Variants in IRF2 observed in about 807,000 individuals in gnomAD.
The protein encoded by IRF2 is interferon regulatory factor 2.
Under a neutral mutation model 40.6 loss-of-function variants are expected in IRF2, and 15 were observed. That is an observed-to-expected ratio of 0.37 (90% CI 0.25 to 0.57). The LOEUF (loss-of-function observed/expected upper bound fraction) is 0.57, where lower values mean the gene tolerates loss of function less well. Ranked by LOEUF, IRF2 falls within the 20% of genes least tolerant of loss-of-function variation. The probability of loss-of-function intolerance (pLI) is 0.77; values close to 1 mark genes in which losing one functional copy is unlikely to be tolerated. For missense variants in IRF2, 317 were observed against 455.7 expected (o/e 0.70, Z 2.77); for synonymous variants, 151 against 165.5 (o/e 0.91, Z 0.67).
chr4:184,399,187 C>T (rs1332724112), intron 6 of IRF2, 108 bp from the exon 7 acceptor site: 7 of 1,128,924 alleles, frequency 6.2e-6, no homozygotes, highest in Non-Finnish European at 8.7e-6. Flanking sequence ...AGGCTCCCAT[C>T]ACCATCTGTC....
At chr4:184,423,195 G>T (rs372731814) in intron 2 of IRF2, among the ~76,000 whole-genome samples, 6 of 152,058 alleles carry the variant, frequency 3.9e-5, no homozygotes, top group African/African-American at 1.5e-4. Context: ...GTCAGTATGT[G>T]CCAGGTGTCT....
At chr4:184,432,230 C>T (rs771476355) in intron 1 of IRF2, among the ~76,000 whole-genome samples, 3 of 152,202 alleles carry the variant, frequency 2.0e-5, no homozygotes, top group Non-Finnish European at 4.4e-5. Flanking sequence ...TACTCAGATG[C>T]GTTGGTGGTC....
chr4:184,420,959 G>C (rs1737460984), intron 2 of IRF2, among the ~76,000 whole-genome samples: 1 of 152,204 alleles, frequency 6.6e-6, no homozygotes, highest in African/African-American at 2.4e-5. Flanking sequence ...TTTTAGATTT[G>C]GAAGAGTCCC....
intron 1 of IRF2, among the ~76,000 whole-genome samples, chr4:184,442,194 C>A (rs1370866153): frequency 6.6e-6 from 1 of 152,304 alleles, no homozygotes; most frequent in Middle Eastern, 3.4e-3. Flanking sequence ...ACTTTCCCAG[C>A]GAGTGGGCAT....
intron 5 of IRF2, among the ~76,000 whole-genome samples, chr4:184,410,446 A>G (rs7665927): frequency 1 from 151,755 of 152,336 alleles, 75,592 homozygotes; most frequent in Middle Eastern, 1. Context: ...GGACCATGCT[A>G]TCCCTCCATG....
intron 5 of IRF2, among the ~76,000 whole-genome samples, chr4:184,414,845 T>C (rs544268779): frequency 6.6e-6 from 1 of 152,238 alleles, no homozygotes; most frequent in Non-Finnish European, 1.5e-5. Flanking sequence ...TATTCATACC[T>C]AGTTACCATA....
intron 6 of IRF2, among the ~76,000 whole-genome samples, chr4:184,401,400 A>T (rs1025101006): frequency 2.0e-5 from 3 of 152,236 alleles, no homozygotes; most frequent in African/African-American, 7.2e-5. Context: ...CTGTGATACA[A>T]GAGTCCAAAA....
At chr4:184,436,887 T>A (rs1377302873) in intron 1 of IRF2, among the ~76,000 whole-genome samples, 1 of 152,170 alleles carries the variant, frequency 6.6e-6, no homozygotes, top group Non-Finnish European at 1.5e-5. Context: ...CCCCATTTTA[T>A]TTTTTCATTT....
chr4:184,400,430 G>A (rs762970693), intron 6 of IRF2, among the ~76,000 whole-genome samples: 2 of 152,012 alleles, frequency 1.3e-5, no homozygotes, highest in African/African-American at 2.4e-5. Context: ...AGTATTCCAC[G>A]GTATAGGTGT....
chr4:184,467,184 C>T (rs1739356691), intron 1 of IRF2, among the ~76,000 whole-genome samples: 2 of 152,324 alleles, frequency 1.3e-5, no homozygotes, highest in Middle Eastern at 3.4e-3. Context: ...GTCCTCCAGT[C>T]TTTCAACTGG....
chr4:184,407,123 G>A (rs1736886805), intron 6 of IRF2: 1 of 1,190,352 alleles, frequency 8.4e-7, no homozygotes, highest in South Asian at 1.3e-5. Flanking sequence ...GTCCGCACCT[G>A]CAAACTTTTT....
rs1206701106 is a variant in IRF2, at chr4:184,419,574, A to G, written c.88-6T>C. ...ATCTGAAAAATCTTCTTTTCCTGAA[A>G]AAAAAAAAAAAAAAAAAGGTAAAGA... is the stretch of plus-strand genomic sequence containing the variant. On this transcript the variant is annotated splice_polypyrimidine_tract_variant and splice_region_variant and intron_variant, in intron 2 of 8. Coordinates refer to ENST00000393593, the MANE Select transcript of IRF2 (RefSeq NM_002199.4). 2.9e-6 allele frequency: 3 copies of G among 1,031,496 alleles called. No individual in the cohort carries two copies. Among genetic ancestry groups the G allele is most frequent in the Non-Finnish European group, 3.8e-6 (3 of 781,924 alleles). The allele number at this position is 1,031,496 out of a possible 1,614,324, so 63.9% of individuals were successfully genotyped here.
chr4:184,402,816 G>T (rs1736714323), intron 6 of IRF2, among the ~76,000 whole-genome samples: 2 of 152,200 alleles, frequency 1.3e-5, no homozygotes, highest in Admixed American at 1.3e-4. Context: ...ACGTGTTGGG[G>T]TGATGAAAAT....
Position 184,388,967 on chromosome 4 carries a change from C to T in IRF2, c.841G>A (p.Val281Ile), listed in dbSNP as rs753024220. The change falls in exon 9 of 9, where the codon GTC becomes ATC. Residue 281 changes from valine (V) to isoleucine (I), a missense_variant. Around this residue, in one of 2 missense-constraint regions of IRF2, gnomAD observed 262 missense variants for 334.0 expected, o/e 0.78. Coordinates refer to ENST00000393593, the MANE Select transcript of IRF2 (RefSeq NM_002199.4). The surrounding 1 kb of genome is among the most constrained non-coding windows in gnomAD (Gnocchi z 4.6). ...SYLLPGMASF[V>I]TSNKPDLQVT... Reference sequence around the variant, plus strand: ...TGGAGGTCCGGTTTGTTGGAAGTGACGAAGGACGCCATGCCGGGCAGCAGG... The same window carrying T: ...TGGAGGTCCGGTTTGTTGGAAGTGATGAAGGACGCCATGCCGGGCAGCAGG... 9.3e-6 allele frequency: 15 copies of T among 1,614,060 alleles called. No homozygotes were observed. The highest frequency in any genetic ancestry group is 3.3e-5 in the South Asian group (3 of 91,076).
chr4:184,403,735 T>G (rs1736751877), intron 6 of IRF2, among the ~76,000 whole-genome samples: 1 of 152,248 alleles, frequency 6.6e-6, no homozygotes, highest in South Asian at 2.1e-4. Flanking sequence ...TTAGCCCCTC[T>G]CAGGATAAAA....
At chr4:184,446,545 G>C (rs1453174066) in intron 1 of IRF2, among the ~76,000 whole-genome samples, 1 of 152,204 alleles carries the variant, frequency 6.6e-6, no homozygotes, top group Non-Finnish European at 1.5e-5. Context: ...ATATACCAGG[G>C]TAATGGAAGT....
chr4:184,446,487 G>A (rs751427817), intron 1 of IRF2, among the ~76,000 whole-genome samples: 3 of 152,204 alleles, frequency 2.0e-5, no homozygotes, highest in Non-Finnish European at 2.9e-5. Flanking sequence ...TGGGGCAACC[G>A]TGGGGACATA....
At chr4:184,390,206 T>G (rs1055115680) in intron 8 of IRF2, among the ~76,000 whole-genome samples, 3 of 152,004 alleles carry the variant, frequency 2.0e-5, no homozygotes, top group Admixed American at 6.6e-5. Context: ...GCACGCCCCA[T>G]CTATGGGAGG....
intron 3 of IRF2, among the ~76,000 whole-genome samples, chr4:184,419,261 T>C (rs1330020451): frequency 2.0e-5 from 3 of 152,080 alleles, no homozygotes; most frequent in Non-Finnish European, 4.4e-5. Flanking sequence ...TATAGGAAAT[T>C]GAAGGACTAA....
Sources: gnomAD v4.1 joint callset for allele counts (sites outside exome capture counted in the v4.1 genomes callset) on GRCh38, gnomAD v4.1.1 for gene constraint, gnomAD v4.1.1 regional missense constraint, Gnocchi (gnomAD v3.1) non-coding constraint, MANE v1.5 for transcripts, NCBI Gene and HGNC (gene_info 2026-07-23, HGNC 2026-07-21) for gene names.